The following CFAP52 variants were observed in gnomAD, a reference collection of about 807,000 sequenced individuals.
The protein encoded by CFAP52 is cilia- and flagella-associated protein 52.
In CFAP52, 57 loss-of-function variants were observed where a neutral mutation model predicts 70.5. The ratio of observed to expected loss-of-function variants is 0.81; its 90% CI spans 0.65 to 1.01. The LOEUF (loss-of-function observed/expected upper bound fraction) is 1.01. Among genes scored for constraint, CFAP52 ranks in the 50% least tolerant of loss-of-function variants. The pLI is 0.00. For missense variants in CFAP52, 785 were observed against 788.5 expected (o/e 1.00, Z 0.05); for synonymous variants, 267 against 292.5 (o/e 0.91, Z 0.89).
intron 8 of CFAP52, among the ~76,000 whole-genome samples, chr17:9,623,892 T>C (rs1046827196): frequency 2.6e-5 from 4 of 152,216 alleles, no homozygotes; most frequent in Non-Finnish European, 5.9e-5. Context: ...TATAAGCCTC[T>C]ACTGAATAAT....
At chr17:9,615,684 A>G (rs1046126962) in intron 8 of CFAP52, among the ~76,000 whole-genome samples, 1 of 151,622 alleles carries the variant, frequency 6.6e-6, no homozygotes, top group Non-Finnish European at 1.5e-5. Context: ...CAGTGACGCA[A>G]TCACAGCTCA....
At position 9,633,018 on chromosome 17, in the gene CFAP52, C is replaced by T. The variant is rs144319003; in HGVS notation, c.1305C>T (p.Gly435=). 2.0e-4 allele frequency: 319 copies of T among 1,613,562 alleles called. 1 individual carries two copies. Among genetic ancestry groups the T allele is most frequent in the Middle Eastern group, 6.6e-4 (4 of 6,062 alleles). Residue 435 remains glycine, a synonymous_variant, in exon 10 of 14, where the codon GGC becomes GGT. Coordinates refer to ENST00000352665, the MANE Select transcript of CFAP52 (RefSeq NM_145054.5). ...TTSDCKRVIS[G]GGEGEVRVWQ... is the part of the protein sequence containing the mutation. ...GTGACTGTAAAAGGGTCATCAGTGGCGGTGGGGAAGGGGAGGTATTGAAAG... is the reference window on the plus strand; with the variant it reads ...GTGACTGTAAAAGGGTCATCAGTGGTGGTGGGGAAGGGGAGGTATTGAAAG...
intron 5 of CFAP52, 97 bp downstream of exon 5, chr17:9,598,430 A>T: frequency 1.0e-6 from 1 of 1,004,860 alleles, no homozygotes; most frequent in East Asian, 2.5e-5. Context: ...GGCTGGGGAT[A>T]GGAAAGTGGG....
At chr17:9,633,484 T>G (rs1038620555) in intron 10 of CFAP52, among the ~76,000 whole-genome samples, 6 of 151,642 alleles carry the variant, frequency 4.0e-5, no homozygotes, top group Non-Finnish European at 7.4e-5. Context: ...GGATTACAGG[T>G]ATGAGCAACC....
chr17:9,600,553 CTTTGTTTGTTTG>C (rs748312304), intron 6 of CFAP52, among the ~76,000 whole-genome samples: 1 of 151,886 alleles, frequency 6.6e-6, no homozygotes, highest in Non-Finnish European at 1.5e-5. Context: ...AAAGCACACA[CTTTGTTTGTTTG>C]TTTGTTTGTT....
At chr17:9,581,032 C>T (rs550879785) in intron 1 of CFAP52, among the ~76,000 whole-genome samples, 130 of 152,192 alleles carry the variant, frequency 8.5e-4, no homozygotes, top group African/African-American at 3.0e-3. Flanking sequence ...TAAAAAACTA[C>T]GTGGCCAGGC....
At chr17:9,596,889 A>T (rs1242583575) in intron 4 of CFAP52, among the ~76,000 whole-genome samples, 1 of 151,884 alleles carries the variant, frequency 6.6e-6, no homozygotes, top group African/African-American at 2.4e-5. Flanking sequence ...CTAATTTTTT[A>T]TATTTTTAAT....
chr17:9,603,246 T>C (rs1909349955), intron 6 of CFAP52, among the ~76,000 whole-genome samples: 1 of 152,190 alleles, frequency 6.6e-6, no homozygotes, highest in Non-Finnish European at 1.5e-5. Flanking sequence ...TCTCGCTCTG[T>C]CGCCCAGGCT....
Position 9,612,279 on chromosome 17 carries a change from T to C in CFAP52, c.855-30T>C, listed in dbSNP as rs1478286954. On this transcript the variant is annotated intron_variant, in intron 7 of 13. Transcript: ENST00000352665. Reference sequence around the variant, plus strand: ...CGTAACTACTTACTGGTTGAGTGAATCTACTTTACTTTTGTGCTTCTCCCT... The same window carrying C: ...CGTAACTACTTACTGGTTGAGTGAACCTACTTTACTTTTGTGCTTCTCCCT... 3 of 1,609,182 alleles carry C rather than the reference T, an allele frequency of 1.9e-6. No individual in the cohort carries two copies. In the South Asian group the frequency reaches 3.3e-5, roughly 18 times the overall value.
At position 9,594,190 on chromosome 17, in the gene CFAP52, C is replaced by T. The variant is rs763980338; in HGVS notation, c.408-3C>T. On this transcript the variant is annotated splice_polypyrimidine_tract_variant and splice_region_variant and intron_variant, in intron 3 of 13. Coordinates refer to ENST00000352665, the MANE Select transcript of CFAP52 (RefSeq NM_145054.5). ...TTTTTTTTGGTCCCTCTTATTTTGG[C>T]AGTGTGGTGGTGTGGAGCATAGCCA... is the stretch of plus-strand genomic sequence containing the variant. 3.8e-6 allele frequency: 6 copies of T among 1,560,266 alleles called. No individual in the cohort carries two copies. Among genetic ancestry groups the T allele is most frequent in the East Asian group, 2.3e-5 (1 of 43,398 alleles).
At position 9,595,489 on chromosome 17, in the gene CFAP52, C is replaced by T. The variant is rs975211436; in HGVS notation, c.536+1168C>T. ...TAAAGCAACTGACCACGGGCTGTGG[C>T]GACACTCTTCAACTTTTTTCAGATT... On this transcript the variant is annotated intron_variant, in intron 4 of 13. Transcript: ENST00000352665. Among the ~76,000 whole-genome samples the T allele has an allele frequency of 1.4e-4, 21 of 152,102 alleles. No individual in the cohort carries two copies. In the East Asian group the frequency reaches 1.5e-3, roughly 11 times the overall value.
intron 9 of CFAP52, among the ~76,000 whole-genome samples, chr17:9,630,445 T>TA (rs2151948654): frequency 6.8e-6 from 1 of 147,902 alleles, no homozygotes; most frequent in East Asian, 2.1e-4. Flanking sequence ...TTTTTTTTTT[T>TA]AAGAGACGGA....
At chr17:9,612,274 G>A in intron 7 of CFAP52, 35 bp from the exon 8 acceptor site, 2 of 1,607,498 alleles carry the variant, frequency 1.2e-6, no homozygotes, top group Non-Finnish European at 8.5e-7. Context: ...TACTGGTTGA[G>A]TGAATCTACT....
chr17:9,585,695 T>G, intron 1 of CFAP52, 78 bp from the exon 2 acceptor site: 2 of 1,359,368 alleles, frequency 1.5e-6, no homozygotes, highest in Non-Finnish European at 2.1e-6. Flanking sequence ...ACACAAAGTG[T>G]TGTGTTTTGT....
At chr17:9,605,280 T>C (rs1597780404) in intron 6 of CFAP52, among the ~76,000 whole-genome samples, 1 of 152,196 alleles carries the variant, frequency 6.6e-6, no homozygotes, top group East Asian at 1.9e-4. Context: ...AAATGAGCTA[T>C]AAAGTCAGGA....
chr17:9,633,675 CTTTT>C (rs555923244), intron 10 of CFAP52, among the ~76,000 whole-genome samples: 2 of 138,532 alleles, frequency 1.4e-5, no homozygotes, highest in South Asian at 2.3e-4. Flanking sequence ...GTCATCTTAT[CTTTT>C]TTTTTTTTTT....
At chr17:9,597,686 C>A (rs1421362836) in intron 4 of CFAP52, 1 of 152,380 alleles carries the variant, frequency 6.6e-6, no homozygotes, top group Non-Finnish European at 1.5e-5. Context: ...ACCTGTAGTC[C>A]CAGCTACTTA....
intron 4 of CFAP52, among the ~76,000 whole-genome samples, chr17:9,595,985 A>C (rs1279755551): frequency 6.7e-6 from 1 of 148,442 alleles, no homozygotes; most frequent in Non-Finnish European, 1.5e-5. Flanking sequence ...AAGAAAAACT[A>C]TATATATACA....
At chr17:9,587,168 C>T (rs924433167) in intron 3 of CFAP52, among the ~76,000 whole-genome samples, 18 of 152,194 alleles carry the variant, frequency 1.2e-4, no homozygotes, top group Non-Finnish European at 2.4e-4. Context: ...TGGCCTCCAG[C>T]TCCATCCATG....
Sources: gnomAD v4.1 joint callset for allele counts (sites outside exome capture counted in the v4.1 genomes callset) on GRCh38, gnomAD v4.1.1 for gene constraint, MANE v1.5 for transcripts, NCBI Gene and HGNC (gene_info 2026-07-23, HGNC 2026-07-21) for gene names.